EGF: variants seen among roughly 807,000 people sequenced by gnomAD.
EGF encodes epidermal growth factor.
Under a neutral mutation model 143.8 loss-of-function variants are expected in EGF, and 95 were observed. That is an observed-to-expected ratio of 0.66 (90% CI 0.56 to 0.78). EGF has a LOEUF of 0.78. EGF is among the 30% of genes least tolerant of loss of function. The pLI, the probability that EGF is intolerant of heterozygous loss-of-function variation, is 0.00. For synonymous variants in EGF, 510 were observed against 510.5 expected (o/e 1.00, Z 0.01); for missense variants, 1,320 against 1,470.9 (o/e 0.90, Z 1.68).
intron 1 of EGF, among the ~76,000 whole-genome samples, chr4:109,929,246 T>A (rs1374099937): frequency 6.6e-6 from 1 of 152,180 alleles, no homozygotes; most frequent in East Asian, 1.9e-4. Flanking sequence ...CATAGCTTTG[T>A]ACCCCTACCC....
intron 21 of EGF, chr4:110,001,702 A>G (rs1046937787): frequency 2.9e-5 from 29 of 985,338 alleles, no homozygotes; most frequent in Non-Finnish European, 3.1e-5. Context: ...GAATTCAAAG[A>G]CCAGCTCAGC....
chr4:109,976,032 C>T lies in EGF; in HGVS notation c.1850C>T (p.Thr617Ile). ...PMAKRLFWTDTGINPRIESSS... is the reference protein window; with the variant it reads ...PMAKRLFWTDIGINPRIESSS... ...TAAAGGAGATTATTCTGGACTGATA[C>T]AGGGATTAATCCACGAATTGAAAGT... Residue 617 changes from threonine (T) to isoleucine (I), a missense_variant, in exon 13 of 24, where the codon ACA becomes ATA. This residue lies in a region of EGF where 1,186 missense variants were observed against 1,313.7 expected (regional missense o/e 0.90). Coordinates refer to ENST00000265171, the MANE Select transcript of EGF (RefSeq NM_001963.6). The T allele has an allele frequency of 5.6e-6, 9 of 1,613,898 alleles. No homozygotes were observed. The highest frequency in any genetic ancestry group is 7.6e-6 in the Non-Finnish European group (9 of 1,179,796).
At chr4:109,913,536 A>G in intron 1 of EGF, 74 bp downstream of exon 1, 1 of 1,576,578 alleles carries the variant, frequency 6.3e-7, no homozygotes. Flanking sequence ...TCAATCTGGT[A>G]TACTTGGGCA....
intron 5 of EGF, among the ~76,000 whole-genome samples, chr4:109,953,478 G>A (rs866685727): frequency 6.6e-6 from 1 of 152,148 alleles, no homozygotes; most frequent in South Asian, 2.1e-4. Context: ...TTATAGGAAA[G>A]GTAAATTCAG....
At chr4:109,970,497 G>T (rs1218726706) in intron 11 of EGF, among the ~76,000 whole-genome samples, 1 of 152,112 alleles carries the variant, frequency 6.6e-6, no homozygotes, top group South Asian at 2.1e-4. Context: ...TCTATGCTTG[G>T]GGGTAGGCAT....
intron 20 of EGF, among the ~76,000 whole-genome samples, chr4:109,995,971 A>G (rs1268301797): frequency 6.6e-6 from 1 of 152,186 alleles, no homozygotes; most frequent in East Asian, 1.9e-4. Context: ...TCATATTCAT[A>G]TTTACATGCT....
intron 10 of EGF, among the ~76,000 whole-genome samples, chr4:109,967,851 A>C (rs11568972): frequency 0.26 from 40,165 of 152,082 alleles, 5,898 homozygotes; most frequent in Middle Eastern, 0.38. Flanking sequence ...GTAACACAGT[A>C]GTAAAAATTT....
chr4:109,953,199 C>T (rs1744228127), intron 5 of EGF, among the ~76,000 whole-genome samples: 1 of 152,144 alleles, frequency 6.6e-6, no homozygotes, highest in Admixed American at 6.5e-5. Context: ...GCACATGGGG[C>T]TAGTTCTTAT....
intron 5 of EGF, among the ~76,000 whole-genome samples, chr4:109,949,912 T>C (rs1212578432): frequency 1.3e-5 from 2 of 152,178 alleles, no homozygotes; most frequent in African/African-American, 4.8e-5. Flanking sequence ...AGGAGCTTCA[T>C]GCTGCAGATA....
intron 9 of EGF, among the ~76,000 whole-genome samples, chr4:109,963,787 C>A (rs1240818590): frequency 6.6e-6 from 1 of 152,080 alleles, no homozygotes; most frequent in Non-Finnish European, 1.5e-5. Context: ...AGATTTATAC[C>A]AAATTGATTT....
chr4:109,964,460 G>A lies in EGF; in HGVS notation c.1498G>A (p.Gly500Arg). ...AGATATTCGACACATGCATTTTGAT[G>A]GAACAGACTATGGAACTCTGCTCAG... The part of the protein sequence containing the change: ...SQDIRHMHFD[G>R]TDYGTLLSQQ... The change falls in exon 10 of 24, where the codon GGA becomes AGA. Residue 500 changes from glycine (G) to arginine (R), a missense_variant. Gly to Arg is a moderately radical substitution (Grantham distance 125, BLOSUM62 -2). Transcript: ENST00000265171. 1.2e-6 allele frequency: 2 copies of A among 1,613,956 alleles called. No individual in the cohort carries two copies. The highest frequency in any genetic ancestry group is 2.2e-5 in the East Asian group (1 of 44,870).
intron 8 of EGF, 43 bp from the exon 9 acceptor site, chr4:109,963,129 AT>A: frequency 6.2e-7 from 1 of 1,609,890 alleles, no homozygotes; most frequent in Non-Finnish European, 8.5e-7. Context: ...AAATAATTAT[AT>A]TTTGGATGAC....
chr4:109,946,473 A>G (rs1299334943), intron 5 of EGF, among the ~76,000 whole-genome samples: 2 of 152,150 alleles, frequency 1.3e-5, no homozygotes, highest in African/African-American at 2.4e-5. Context: ...ACTTCTCTTC[A>G]GTTCTGAGCT....
intron 12 of EGF, among the ~76,000 whole-genome samples, chr4:109,975,629 T>C (rs898103897): frequency 6.6e-6 from 1 of 152,336 alleles, no homozygotes; most frequent in African/African-American, 2.4e-5. Context: ...ATTTTACATA[T>C]GCATAACAGA....
chr4:109,943,347 A>G lies in EGF; in HGVS notation c.421A>G (p.Thr141Ala). 1 of 1,613,082 alleles carries G rather than the reference A, an allele frequency of 6.2e-7. No individual in the cohort carries two copies. The highest frequency in any genetic ancestry group is 8.5e-7 in the Non-Finnish European group (1 of 1,179,272). ...GTCAAATCAACAGGAAGGAATCATT[A>G]CAGTAACAGATATGAAAGGAAATAA... ...IWSNQQEGII[T>A]VTDMKGNNSH... Residue 141 changes from threonine (T) to alanine (A), a missense_variant, in exon 3 of 24, where the codon ACA (threonine) becomes GCA (alanine). By Grantham distance (58) the Thr-to-Ala change is moderately conservative. Transcript: ENST00000265171.
intron 18 of EGF, chr4:109,992,497 G>GGGACTGTA (rs1480464237): frequency 6.6e-6 from 1 of 152,152 alleles, no homozygotes; most frequent in East Asian, 1.9e-4. Flanking sequence ...CACTGTTGGT[G>GGGACTGTA]GGACTGTAAA....
intron 13 of EGF, among the ~76,000 whole-genome samples, chr4:109,979,358 G>A (rs961314002): frequency 1.3e-5 from 2 of 152,006 alleles, no homozygotes; most frequent in Non-Finnish European, 2.9e-5. Context: ...GGGGGTGGTC[G>A]TTGATGGATC....
At position 109,961,992 on chromosome 4, in the gene EGF, T is replaced by G; in HGVS notation, c.1312+7T>G. On this transcript the variant is annotated splice_region_variant and intron_variant, in intron 8 of 23. Coordinates refer to ENST00000265171, the MANE Select transcript of EGF (RefSeq NM_001963.6). ...GATGGGAAAACATGTAGCGGTGAGT[T>G]TATTTGCTTTATTTACCTTTTGTTT... is the stretch of plus-strand genomic sequence containing the variant. The G allele has an allele frequency of 6.2e-7, 1 of 1,613,482 alleles. No individual in the cohort carries two copies. Among genetic ancestry groups the G allele is most frequent in the Non-Finnish European group, 8.5e-7 (1 of 1,179,534 alleles).
chr4:109,955,891 G>A lies in EGF; in HGVS notation c.941-3421G>A, dbSNP rs73841113. Among the ~76,000 whole-genome samples the A allele has an allele frequency of 7.2e-3, 1,091 of 152,246 alleles. 13 individuals carry two copies. The highest frequency in any genetic ancestry group is 0.025 in the African/African-American group (1,033 of 41,540). On this transcript the variant is annotated intron_variant, in intron 5 of 23. Coordinates refer to ENST00000265171, the MANE Select transcript of EGF (RefSeq NM_001963.6). The stretch of plus-strand genomic sequence containing the variant: ...AAAAAGATGCATATACATAATTGTG[G>A]TGGTGACAATGGGGATGATCATGAT...
Sources: gnomAD v4.1 joint callset for allele counts (sites outside exome capture counted in the v4.1 genomes callset) on GRCh38, gnomAD v4.1.1 for gene constraint, gnomAD v4.1.1 regional missense constraint, MANE v1.5 for transcripts, NCBI Gene and HGNC (gene_info 2026-07-23, HGNC 2026-07-21) for gene names.